CUL3: variants seen among roughly 807,000 people sequenced by gnomAD.
The protein encoded by CUL3 is cullin-3.
A neutral mutation model predicts 89.1 loss-of-function variants in CUL3; 19 were observed. That is an observed-to-expected ratio of 0.21 (90% CI 0.15 to 0.31). The LOEUF is 0.31. Among genes scored for constraint, CUL3 ranks in the 10% least tolerant of loss-of-function variants. CUL3 has a pLI of 1.00. For synonymous variants in CUL3, 351 were observed against 308.4 expected, an observed-to-expected ratio of 1.14 and a Z score of -1.45; for missense variants, 469 against 942.3, an observed-to-expected ratio of 0.50 and a Z score of 6.58.
In CUL3 at chr2:224,511,380, T is replaced by A. The variant is rs530205226; in HGVS notation, c.857A>T (p.His286Leu). The change falls in exon 6 of 16, where the codon CAT becomes CTT. Residue 286 changes from histidine to leucine, a missense_variant. Coordinates refer to ENST00000264414, the MANE Select transcript of CUL3 (RefSeq NM_003590.5). ...TTCTGTCTTTCCATTTTTCAACATA[T>A]GTACTAGCCCAGAATTCTCCATTTC... ...IVEMENSGLV[H>L]MLKNGKTEDL... 6.2e-7 allele frequency: 1 copy of A among 1,610,886 alleles called. No homozygotes were observed. The highest frequency in any genetic ancestry group is 8.5e-7 in the Non-Finnish European group (1 of 1,178,234).
At chr2:224,537,416 G>C (rs1693936633) in intron 2 of CUL3, among the ~76,000 whole-genome samples, 1 of 152,066 alleles carries the variant, frequency 6.6e-6, no homozygotes, top group African/African-American at 2.4e-5. Context: ...TTGTTCACAA[G>C]ACTAAGCTCC....
intron 1 of CUL3, among the ~76,000 whole-genome samples, chr2:224,576,687 AGGG>A (rs55945819): frequency 0.2 from 24,179 of 121,850 alleles, 2,592 homozygotes; most frequent in South Asian, 0.32. Context: ...GTGAAAAAAA[AGGG>A]GGGGGGGGGA....
chr2:224,521,554 G>A (rs1202423881), intron 3 of CUL3, among the ~76,000 whole-genome samples: 4 of 151,176 alleles, frequency 2.6e-5, no homozygotes, highest in South Asian at 2.1e-4. Context: ...CCTCAGCCCC[G>A]CTAGTAGCTG....
intron 3 of CUL3, among the ~76,000 whole-genome samples, chr2:224,526,015 T>A (rs947168770): frequency 4.6e-5 from 7 of 152,338 alleles, no homozygotes; most frequent in Admixed American, 1.3e-4. Context: ...CATGCACACA[T>A]GCCTGCCTCT....
intron 13 of CUL3, among the ~76,000 whole-genome samples, chr2:224,492,032 A>G (rs1395624613): frequency 2.0e-5 from 3 of 152,188 alleles, no homozygotes; most frequent in Non-Finnish European, 4.4e-5. Flanking sequence ...CTTTCAGTGT[A>G]TTAGAATCTA....
In CUL3 at chr2:224,511,331, A is replaced by T. The variant is rs746324603; in HGVS notation, c.883+23T>A. On this transcript the variant is annotated intron_variant, in intron 6 of 15. Coordinates refer to ENST00000264414, the MANE Select transcript of CUL3 (RefSeq NM_003590.5). ...GATAAGGCAGAGTAAGGATTTAATT[A>T]TTTTTCAATCGGTAACACTTACCTT... is the stretch of plus-strand genomic sequence containing the variant. 13 of 1,498,086 alleles carry T rather than the reference A, an allele frequency of 8.7e-6. No individual in the cohort carries two copies. The South Asian group carries it at 1.3e-4, about 16-fold the overall frequency. The allele number at this position is 1,498,086 out of a possible 1,614,324, so 92.8% of individuals were successfully genotyped here.
At chr2:224,578,123 T>C (rs1695351367) in intron 1 of CUL3, among the ~76,000 whole-genome samples, 1 of 152,204 alleles carries the variant, frequency 6.6e-6, no homozygotes, top group Non-Finnish European at 1.5e-5. Flanking sequence ...AGGTAATATA[T>C]TTCAGTTACG....
chr2:224,564,635 G>C (rs942151406), intron 1 of CUL3, among the ~76,000 whole-genome samples: 2 of 152,150 alleles, frequency 1.3e-5, no homozygotes, highest in South Asian at 4.1e-4. Flanking sequence ...GTATCCACTG[G>C]GGGTCTTGGA....
intron 1 of CUL3, among the ~76,000 whole-genome samples, chr2:224,583,095 T>C (rs1389730067): frequency 6.6e-6 from 1 of 152,118 alleles, no homozygotes; most frequent in African/African-American, 2.4e-5. Flanking sequence ...CTGTTGTATA[T>C]AGGCCTGGCG....
At chr2:224,579,088 C>T (rs1695376241) in intron 1 of CUL3, among the ~76,000 whole-genome samples, 1 of 152,122 alleles carries the variant, frequency 6.6e-6, no homozygotes, top group Admixed American at 6.5e-5. Context: ...TAATAATTTT[C>T]CAGGTTCCTC....
Position 224,503,215 on chromosome 2 carries a change from G to A in CUL3, c.1378-143C>T. On this transcript the variant is annotated intron_variant, in intron 9 of 15. Coordinates refer to ENST00000264414, the MANE Select transcript of CUL3 (RefSeq NM_003590.5). ...TTCCAACAGTTGCTCTGTGCCTGTG[G>A]TTATCAAACTTTAGGATTTTAAAAT... The A allele has an allele frequency of 7.7e-6, 5 of 647,360 alleles. No homozygotes were observed. In the South Asian group the frequency reaches 9.5e-5, roughly 12 times the overall value. 40.1% of individuals were successfully genotyped at this position (647,360 alleles called of 1,614,324 possible).
intron 2 of CUL3, among the ~76,000 whole-genome samples, chr2:224,540,049 C>T (rs935835242): frequency 4.6e-5 from 6 of 129,758 alleles, no homozygotes; most frequent in African/African-American, 1.9e-4. Context: ...TAGTACCTTC[C>T]ATCCTCCACC....
At chr2:224,582,709 C>T (rs1695469187) in intron 1 of CUL3, among the ~76,000 whole-genome samples, 1 of 152,152 alleles carries the variant, frequency 6.6e-6, no homozygotes, top group African/African-American at 2.4e-5. Context: ...TATCACACAA[C>T]GTTATTATAC....
intron 1 of CUL3, among the ~76,000 whole-genome samples, chr2:224,584,521 G>C (rs545174184): frequency 4.6e-5 from 7 of 152,204 alleles, no homozygotes; most frequent in Middle Eastern, 3.4e-3. Context: ...GCTAGGCTGG[G>C]TAAATTTTCA....
chr2:224,532,833 G>A (rs1390798767), intron 3 of CUL3: 1 of 152,074 alleles, frequency 6.6e-6, no homozygotes, highest in African/African-American at 2.4e-5. Flanking sequence ...GGTAGAAAGG[G>A]ATTGACCCAT....
intron 13 of CUL3, among the ~76,000 whole-genome samples, chr2:224,493,239 TCA>T (rs1044563522): frequency 1.8e-4 from 27 of 152,218 alleles, no homozygotes; most frequent in African/African-American, 6.3e-4. Flanking sequence ...CTTACTGAAC[TCA>T]CACAGAATAT....
intron 1 of CUL3, among the ~76,000 whole-genome samples, chr2:224,583,742 GTCC>G (rs1695499159): frequency 6.6e-6 from 1 of 152,150 alleles, no homozygotes; most frequent in Non-Finnish European, 1.5e-5. Context: ...ATTCAGAGAG[GTCC>G]TCATGTTCTC....
At chr2:224,582,122 G>A (rs1258521447) in intron 1 of CUL3, among the ~76,000 whole-genome samples, 2 of 151,900 alleles carry the variant, frequency 1.3e-5, no homozygotes, top group African/African-American at 4.8e-5. Context: ...CCGCCACCAC[G>A]CCCCGCTAAT....
intron 6 of CUL3, 71 bp from the exon 7 acceptor site, chr2:224,507,074 A>C: frequency 2.1e-6 from 3 of 1,403,090 alleles, no homozygotes; most frequent in Non-Finnish European, 2.9e-6. Flanking sequence ...TGTTCACGCT[A>C]TAATACTGAG....
Sources: gnomAD v4.1 joint callset for allele counts (sites outside exome capture counted in the v4.1 genomes callset) on GRCh38, gnomAD v4.1.1 for gene constraint, MANE v1.5 for transcripts, NCBI Gene and HGNC (gene_info 2026-07-23, HGNC 2026-07-21) for gene names.